Variants in TASP1 observed in about 807,000 individuals in gnomAD.
TASP1 encodes the protein taspase 1.
Under a neutral mutation model 56.6 loss-of-function variants are expected in TASP1, and 16 were observed. The observed-to-expected ratio is 0.28, with a 90% confidence interval of 0.19 to 0.43. The LOEUF (loss-of-function observed/expected upper bound fraction) is 0.43. Ranked by LOEUF, TASP1 falls within the 20% of genes least tolerant of loss-of-function variation. The pLI, the probability that TASP1 is intolerant of heterozygous loss-of-function variation, is 1.00. For synonymous variants in TASP1, 179 were observed against 184.2 expected, an observed-to-expected ratio of 0.97 and a Z score of 0.23; for missense variants, 393 against 511.6, an observed-to-expected ratio of 0.77 and a Z score of 2.24.
intron 12 of TASP1, among the ~76,000 whole-genome samples, chr20:13,419,450 GA>G (rs2042365019): frequency 1.3e-5 from 2 of 152,118 alleles, no homozygotes; most frequent in Admixed American, 6.5e-5. Context: ...GTTACAAAAA[GA>G]AAACTGCAAA....
At chr20:13,195,035 C>T in the TASP1 span, among the ~76,000 whole-genome samples, 1 of 152,148 alleles carries the variant, frequency 6.6e-6, no homozygotes, top group Admixed American at 6.5e-5. Flanking sequence ...TTTGTGAGGA[C>T]AGGACCCCAT....
chr20:13,260,724 C>A, the TASP1 span, among the ~76,000 whole-genome samples: 2 of 152,118 alleles, frequency 1.3e-5, no homozygotes, highest in African/African-American at 4.8e-5. Flanking sequence ...CTCATTCTAC[C>A]TCACCATGGT....
the TASP1 span, among the ~76,000 whole-genome samples, chr20:13,192,128 C>A: frequency 4.6e-5 from 7 of 152,280 alleles, no homozygotes; most frequent in African/African-American, 1.7e-4. Context: ...AAAGAAAAAT[C>A]TTTCTCAGGC....
chr20:13,384,097 A>G, the TASP1 span, among the ~76,000 whole-genome samples: 2 of 152,170 alleles, frequency 1.3e-5, no homozygotes, highest in African/African-American at 4.8e-5. Flanking sequence ...GCATTACTGG[A>G]TTTTCCAAGG....
chr20:13,230,766 GA>G, the TASP1 span, among the ~76,000 whole-genome samples: 1,084 of 149,152 alleles, frequency 7.3e-3, 23 homozygotes, highest in Admixed American at 0.048. Context: ...GAAAAGAAAA[GA>G]AAAAAAAACC....
chr20:13,266,688 C>T, the TASP1 span, among the ~76,000 whole-genome samples: 1 of 152,174 alleles, frequency 6.6e-6, no homozygotes, highest in Non-Finnish European at 1.5e-5. Context: ...AATTCAATGG[C>T]ATTTTGGAAA....
At chr20:13,438,310 T>G (rs1234632277) in intron 11 of TASP1, among the ~76,000 whole-genome samples, 1 of 152,118 alleles carries the variant, frequency 6.6e-6, no homozygotes, top group Non-Finnish European at 1.5e-5. Context: ...AACAGAGATA[T>G]AGACCAATGG....
At chr20:13,546,190 A>T (rs926329390) in intron 8 of TASP1, among the ~76,000 whole-genome samples, 3 of 60,878 alleles carry the variant, frequency 4.9e-5, no homozygotes, top group Non-Finnish European at 1.4e-4. Context: ...GCCAAAGGTT[A>T]AAAAAAAAAG....
the TASP1 span, among the ~76,000 whole-genome samples, chr20:13,310,229 T>A: frequency 6.6e-5 from 10 of 152,248 alleles, no homozygotes; most frequent in Admixed American, 4.6e-4. Flanking sequence ...GATACTAACA[T>A]ATAAATCAAT....
the TASP1 span, among the ~76,000 whole-genome samples, chr20:13,127,643 A>G: frequency 6.6e-4 from 100 of 152,336 alleles, 1 homozygote; most frequent in Non-Finnish European, 1.3e-3. Context: ...TGATCTAGTT[A>G]AAGTAGTGTC....
chr20:13,380,951 C>T, the TASP1 span, among the ~76,000 whole-genome samples: 6 of 152,198 alleles, frequency 3.9e-5, no homozygotes, highest in South Asian at 2.1e-4. Flanking sequence ...CATCCCAGGT[C>T]GACTTCAGAC....
At chr20:13,539,465 C>CAA (rs2045539908) in intron 8 of TASP1, among the ~76,000 whole-genome samples, 1 of 151,508 alleles carries the variant, frequency 6.6e-6, no homozygotes, top group Non-Finnish European at 1.5e-5. Flanking sequence ...CTGGAAGATC[C>CAA]CCTGTGCCCA....
At chr20:13,262,368 G>C in the TASP1 span, among the ~76,000 whole-genome samples, 5 of 152,120 alleles carry the variant, frequency 3.3e-5, no homozygotes, top group Non-Finnish European at 7.4e-5. Flanking sequence ...ACACCACAAG[G>C]GCTTTATCAA....
intron 2 of TASP1, 96 bp downstream of exon 2, chr20:13,629,838 C>T: frequency 6.4e-7 from 1 of 1,571,954 alleles, no homozygotes; most frequent in South Asian, 1.2e-5. Context: ...GCAGTTTTGC[C>T]TCCTCCAAGT....
chr20:13,375,877 C>A, the TASP1 span, among the ~76,000 whole-genome samples: 3 of 150,932 alleles, frequency 2.0e-5, no homozygotes, highest in African/African-American at 7.3e-5. Flanking sequence ...TAAATGTCTT[C>A]TTTTAAGAAG....
chr20:13,495,870 A>G (rs1193202795), intron 10 of TASP1, among the ~76,000 whole-genome samples: 1 of 152,220 alleles, frequency 6.6e-6, no homozygotes, highest in East Asian at 1.9e-4. Flanking sequence ...AGAAAAAGAT[A>G]TATCTTGGAC....
At chr20:13,376,258 G>A in the TASP1 span, among the ~76,000 whole-genome samples, 1 of 152,134 alleles carries the variant, frequency 6.6e-6, no homozygotes, top group Non-Finnish European at 1.5e-5. Flanking sequence ...TTTATAAGGT[G>A]TAAGGAAGGG....
At chr20:13,265,751 A>T in the TASP1 span, among the ~76,000 whole-genome samples, 1 of 152,170 alleles carries the variant, frequency 6.6e-6, no homozygotes, top group Non-Finnish European at 1.5e-5. Context: ...TTTCTGGGTC[A>T]TCACAACTCA....
At chr20:13,276,503 G>C in the TASP1 span, among the ~76,000 whole-genome samples, 5 of 152,288 alleles carry the variant, frequency 3.3e-5, no homozygotes, top group African/African-American at 9.6e-5. Flanking sequence ...CTTGGAGCTG[G>C]GGAGATTGTG....
Sources: allele counts gnomAD v4.1 joint callset (sites outside exome capture counted in the v4.1 genomes callset), GRCh38; gene constraint gnomAD v4.1.1; transcripts MANE v1.5; gene names NCBI Gene and HGNC (gene_info 2026-07-23, HGNC 2026-07-21).